Variants in GMPPB observed in about 807,000 individuals in gnomAD.
GMPPB encodes GDP-mannose pyrophosphorylase B, also known as mannose-1-phosphate guanylyltransferase catalytic subunit beta.
A neutral mutation model predicts 40.3 loss-of-function variants in GMPPB; 38 were observed. The observed-to-expected ratio is 0.94, with a 90% CI of 0.73 to 1.24. GMPPB has a LOEUF of 1.24. GMPPB is among the 50% of genes most tolerant of loss of function. GMPPB has a pLI of 0.00. For missense variants in GMPPB, 436 were observed against 487.1 expected (o/e 0.90, Z 0.99); for synonymous variants, 193 against 191.8 (o/e 1.01, Z -0.05).
chr3:49,722,200 G>C (rs775357256), intron 7 of GMPPB, 31 bp downstream of exon 7: 19 of 1,608,812 alleles, frequency 1.2e-5, no homozygotes, highest in Admixed American at 1.2e-4. Context: ...AAGACTGAGG[G>C]GGTTAATGAT....
intron 3 of GMPPB, 23 bp downstream of exon 3, chr3:49,723,231 G>T: frequency 6.2e-7 from 1 of 1,613,850 alleles, no homozygotes; most frequent in Non-Finnish European, 8.5e-7. Flanking sequence ...CCTCCCCCAA[G>T]GGACCTTTCT....
At chr3:49,723,345 G>T (rs371525780) in intron 2 of GMPPB, 43 bp from the exon 3 acceptor site, 2 of 1,614,124 alleles carry the variant, frequency 1.2e-6, no homozygotes, top group Non-Finnish European at 1.7e-6. Context: ...ACCAGGATGG[G>T]AAGTTGGGCG....
At position 49,721,854 on chromosome 3, in the gene GMPPB, A is replaced by G. The variant is rs779167148; in HGVS notation, c.981T>C (p.Gly327=). 3.0e-5 allele frequency: 48 copies of G among 1,613,780 alleles called. No homozygotes were observed. The highest frequency in any genetic ancestry group is 4.1e-5 in the Non-Finnish European group (48 of 1,179,976). ...WVRMENVTVL[G]EDVIVNDELY... Reference sequence around the variant, plus strand: ...GCTCATCATTAACTATGACGTCCTCACCCAGCACTGTCACGTTCTCCATGC... The same window carrying G: ...GCTCATCATTAACTATGACGTCCTCGCCCAGCACTGTCACGTTCTCCATGC... Residue 327 remains glycine (G), a synonymous_variant, in exon 9 of 9, where the codon GGT becomes GGC. Coordinates refer to ENST00000308388, the MANE Select transcript of GMPPB (RefSeq NM_021971.4).
chr3:49,721,772 C>A lies in GMPPB; in HGVS notation c.1063G>T (p.Glu355Ter). 1 of 1,607,344 alleles carries A rather than the reference C, an allele frequency of 6.2e-7. No individual in the cohort carries two copies. Residue 355 changes from glutamate (E) to a stop codon, truncating the protein, a stop_gained, in exon 9 of 9, where the codon GAG becomes TAG. Coordinates refer to ENST00000308388, the MANE Select transcript of GMPPB (RefSeq NM_021971.4). LOFTEE classifies it high-confidence loss of function. ...TCCCCTCACATGATGATACGAGGCT[C>A]TGGCACTGACTCGCCAATAGACTTG... ...PHKSIGESVP[E>*]PRIIM is the part of the protein sequence containing the mutation.
chr3:49,722,975 G>A lies in GMPPB; in HGVS notation c.399C>T (p.Ile133=). 6.2e-7 allele frequency: 1 copy of A among 1,613,582 alleles called. No homozygotes were observed. Among genetic ancestry groups the A allele is most frequent in the Non-Finnish European group, 8.5e-7 (1 of 1,179,810 alleles). ...FHRHHGQEGS[I]LVTKVEEPSK... ...GAGAGAAGACCTGGCGCCTTACCAG[G>A]ATGGAGCCCTCCTGGCCATGGTGCC... is the stretch of plus-strand genomic sequence containing the variant. Residue 133 remains isoleucine, a synonymous_variant, in exon 4 of 9, where the codon ATC becomes ATT. Coordinates refer to ENST00000308388, the MANE Select transcript of GMPPB (RefSeq NM_021971.4).
intron 7 of GMPPB, 32 bp from the exon 8 acceptor site, chr3:49,722,179 A>C: frequency 1.2e-6 from 2 of 1,606,872 alleles, no homozygotes; most frequent in Non-Finnish European, 1.7e-6. Flanking sequence ...CAAGTGGGCC[A>C]CTTGTCTCCC....
In GMPPB at chr3:49,723,396, T is replaced by C. The variant is rs761570774; in HGVS notation, c.206A>G (p.Gln69Arg). 2 of 1,614,154 alleles carry C rather than the reference T, an allele frequency of 1.2e-6. No individual in the cohort carries two copies. Among genetic ancestry groups the C allele is most frequent in the South Asian group, 1.1e-5 (1 of 91,090 alleles). The change falls in exon 2 of 9, where the codon CAG (glutamine) becomes CGG (arginine). Residue 69 changes from glutamine (Q) to arginine (R), a missense_variant. Coordinates refer to ENST00000308388, the MANE Select transcript of GMPPB (RefSeq NM_021971.4). ...GGCCAAGAGTCTGTGCCTCACCCTC[T>C]GCTCCTGTGCCTTCATTTCCTTCTC... ...VLEKEMKAQE[Q>R]RLGIRISMSH...
In GMPPB at chr3:49,721,688, T is replaced by A; in HGVS notation, c.*64A>T. ...ATGACAAGTCCAGGGTCTTCTGATG[T>A]GTCAGGCCAGCACTCCCCTTGCTGA... On this transcript the variant is annotated 3_prime_UTR_variant, in exon 9 of 9. Transcript: ENST00000308388. 2 of 1,447,900 alleles carry A rather than the reference T, an allele frequency of 1.4e-6. No individual in the cohort carries two copies. Among genetic ancestry groups the A allele is most frequent in the East Asian group, 2.3e-5 (1 of 44,104 alleles). The allele number at this position is 1,447,900 out of a possible 1,614,324, so 89.7% of individuals were successfully genotyped here. A position where few individuals can be genotyped will look rare whatever the true frequency, so the allele number is the denominator to read the frequency against.
At position 49,721,815 on chromosome 3, in the gene GMPPB, T is replaced by TC; in HGVS notation, c.1019dup (p.Ala341SerfsTer42). 1 of 1,613,160 alleles carries TC rather than the reference T, an allele frequency of 6.2e-7. No individual in the cohort carries two copies. The stretch of plus-strand genomic sequence containing the variant: ...TAGACTTGTGGGGCAGCACGCTGGC[T>TC]CCGTTGAGGTAGAGCTCATCATTAA... On this transcript the variant is annotated frameshift_variant, in exon 9 of 9. Transcript: ENST00000308388. LOFTEE classifies it high-confidence loss of function.
Position 49,720,941 on chromosome 3 carries a change from G to C in GMPPB, c.*811C>G. The C allele has an allele frequency of 6.2e-7, 1 of 1,610,228 alleles. No individual in the cohort carries two copies. The highest frequency in any genetic ancestry group is 8.5e-7 in the Non-Finnish European group (1 of 1,176,632). On this transcript the variant is annotated 3_prime_UTR_variant, in exon 9 of 9. Coordinates refer to ENST00000308388, the MANE Select transcript of GMPPB (RefSeq NM_021971.4). ...AGGTCCATGCCACTTGAATATGTGT[G>C]CACTCCTACACAGGCACAACGGACA... is the stretch of plus-strand genomic sequence containing the variant.
rs1240623445 is a variant in GMPPB, at chr3:49,723,817, C to T, written c.-91G>A. On this transcript the variant is annotated 5_prime_UTR_variant, in exon 1 of 9. Coordinates refer to ENST00000308388, the MANE Select transcript of GMPPB (RefSeq NM_021971.4). ...CTGCCGCGCACTCCCAACGCCGTGC[C>T]CGGCCCCGCGCCCTTCACCAACCCG... is the stretch of plus-strand genomic sequence containing the variant. 4 of 1,412,250 alleles carry T rather than the reference C, an allele frequency of 2.8e-6. No individual in the cohort carries two copies. The South Asian group carries it at 4.3e-5, about 15-fold the overall frequency. 87.5% of individuals were successfully genotyped at this position (1,412,250 alleles called of 1,614,324 possible).
chr3:49,722,003 A>ACT lies in GMPPB; in HGVS notation c.911_912dup (p.Cys306ProfsTer19). The ACT allele has an allele frequency of 2.5e-6, 4 of 1,598,058 alleles. No homozygotes were observed. Among genetic ancestry groups the ACT allele is most frequent in the Non-Finnish European group, 3.4e-6 (4 of 1,172,154 alleles). ...CGGCAGCGCCAGCCCACAATGCAGG[A>ACT]CTCAAGCCAGGAATGGGAACGGATC... On this transcript the variant is annotated frameshift_variant, in exon 8 of 9. Coordinates refer to ENST00000308388, the MANE Select transcript of GMPPB (RefSeq NM_021971.4). LOFTEE classifies it high-confidence loss of function.
chr3:49,721,825 TAG>T lies in GMPPB; in HGVS notation c.1008_1009del (p.Tyr337ProfsTer45), dbSNP rs2108210412. The T allele has an allele frequency of 3.1e-6, 5 of 1,613,414 alleles. No homozygotes were observed. In the South Asian group the frequency reaches 5.5e-5, roughly 18 times the overall value. ...GGGCAGCACGCTGGCTCCGTTGAGGTAGAGCTCATCATTAACTATGACGTCCT... is the reference window on the plus strand; with the variant it reads ...GGGCAGCACGCTGGCTCCGTTGAGGTAGCTCATCATTAACTATGACGTCCT... On this transcript the variant is annotated frameshift_variant, in exon 9 of 9. Coordinates refer to ENST00000308388, the MANE Select transcript of GMPPB (RefSeq NM_021971.4). LOFTEE classifies it high-confidence loss of function.
intron 7 of GMPPB, 31 bp from the exon 8 acceptor site, chr3:49,722,178 C>T (rs773627734): frequency 1.2e-6 from 2 of 1,606,638 alleles, no homozygotes; most frequent in South Asian, 2.2e-5. Context: ...ACAAGTGGGC[C>T]ACTTGTCTCC....
chr3:49,720,841 C>G lies in GMPPB; in HGVS notation c.*911G>C. ...TGCCGATGAGCTGGCCCAAGTGGAACAGATGCTGGCGCACCTGACCTCTGC... is the reference window on the plus strand; with the variant it reads ...TGCCGATGAGCTGGCCCAAGTGGAAGAGATGCTGGCGCACCTGACCTCTGC... On this transcript the variant is annotated 3_prime_UTR_variant, in exon 9 of 9. Coordinates refer to ENST00000308388, the MANE Select transcript of GMPPB (RefSeq NM_021971.4). 1.2e-6 allele frequency: 2 copies of G among 1,614,202 alleles called. No individual in the cohort carries two copies. Among genetic ancestry groups the G allele is most frequent in the South Asian group, 2.2e-5 (2 of 91,084 alleles).
At position 49,723,236 on chromosome 3, in the gene GMPPB, C is replaced by G; in HGVS notation, c.259+18G>C. ...GGCCTTAAACCCTCCCCCAAGGGACCTTTCTGCCTCTACTGACCTGTCCCC... is the reference window on the plus strand; with the variant it reads ...GGCCTTAAACCCTCCCCCAAGGGACGTTTCTGCCTCTACTGACCTGTCCCC... On this transcript the variant is annotated intron_variant, in intron 3 of 8. Coordinates refer to ENST00000308388, the MANE Select transcript of GMPPB (RefSeq NM_021971.4). 1 of 1,613,968 alleles carries G rather than the reference C, an allele frequency of 6.2e-7. No individual in the cohort carries two copies. The highest frequency in any genetic ancestry group is 8.5e-7 in the Non-Finnish European group (1 of 1,179,872).
intron 8 of GMPPB, 24 bp downstream of exon 8, chr3:49,721,941 A>G (rs1332381626): frequency 2.5e-6 from 2 of 812,430 alleles, no homozygotes; most frequent in Non-Finnish European, 3.9e-6. Flanking sequence ...CCCTCTCCCC[A>G]CCCAGCCCAG....
chr3:49,720,871 G>T lies in GMPPB; in HGVS notation c.*881C>A. 1 of 1,614,156 alleles carries T rather than the reference G, an allele frequency of 6.2e-7. No homozygotes were observed. The highest frequency in any genetic ancestry group is 8.5e-7 in the Non-Finnish European group (1 of 1,180,032). On this transcript the variant is annotated 3_prime_UTR_variant, in exon 9 of 9. Coordinates refer to ENST00000308388, the MANE Select transcript of GMPPB (RefSeq NM_021971.4). The stretch of plus-strand genomic sequence containing the variant: ...GCTGGCGCACCTGACCTCTGCATCT[G>T]CCCAGGCAGCAGCTGCCTCCCTGGT...
In GMPPB at chr3:49,723,631, G is replaced by A. The variant is rs2080460315; in HGVS notation, c.96C>T (p.Pro32=). 2 of 1,585,216 alleles carry A rather than the reference G, an allele frequency of 1.3e-6. No homozygotes were observed. Among genetic ancestry groups the A allele is most frequent in the Non-Finnish European group, 1.7e-6 (2 of 1,165,498 alleles). The change falls in exon 1 of 9, where the codon CCC becomes CCT. Residue 32 remains proline, a synonymous_variant. Transcript: ENST00000308388. ...GCGCCTCCACTTGGTGCAGCAAGAT[G>A]GGCTTATTGCAGAAGTCCACCAGTG... ...PKPLVDFCNK[P]ILLHQVEALA... is the part of the protein sequence containing the mutation.
Sources: gnomAD v4.1 joint callset for allele counts on GRCh38, gnomAD v4.1.1 for gene constraint, MANE v1.5 for transcripts, NCBI Gene and HGNC (gene_info 2026-07-23, HGNC 2026-07-21) for gene names.